The following NTRK3 variants were observed in gnomAD, a reference collection of about 807,000 sequenced individuals.
NTRK3 encodes neurotrophic receptor tyrosine kinase 3, also known as NT-3 growth factor receptor.
In NTRK3, 24 loss-of-function variants were observed where a neutral mutation model predicts 91.7. The observed-to-expected ratio is 0.26, with a 90% CI of 0.19 to 0.37. The LOEUF (loss-of-function observed/expected upper bound fraction) is 0.37. Ranked by LOEUF, NTRK3 falls within the 10% of genes least tolerant of loss-of-function variation. The pLI is 1.00. For missense variants in NTRK3, 880 were observed against 1,068.9 expected (o/e 0.82, Z 2.46); for synonymous variants, 483 against 404.0 (o/e 1.20, Z -2.34).
At chr15:88,221,204 T>A (rs929033253) in intron 3 of NTRK3, among the ~76,000 whole-genome samples, 1 of 152,184 alleles carries the variant, frequency 6.6e-6, no homozygotes, top group Non-Finnish European at 1.5e-5. Flanking sequence ...AAAAGTAAAG[T>A]CACTGGCAAT....
intron 13 of NTRK3, among the ~76,000 whole-genome samples, chr15:88,109,901 C>T (rs1426464711): frequency 6.6e-6 from 1 of 152,156 alleles, no homozygotes; most frequent in Non-Finnish European, 1.5e-5. Flanking sequence ...TGATTTCTCC[C>T]CTCAACACAT....
chr15:88,213,907 C>T (rs1233600740), intron 3 of NTRK3, among the ~76,000 whole-genome samples: 1 of 152,038 alleles, frequency 6.6e-6, no homozygotes, highest in Non-Finnish European at 1.5e-5. Context: ...TTGTGAAACC[C>T]CGTCTCTACT....
intron 14 of NTRK3, among the ~76,000 whole-genome samples, chr15:88,006,988 C>T (rs1399927215): frequency 2.0e-5 from 3 of 152,154 alleles, no homozygotes; most frequent in Admixed American, 1.3e-4. Flanking sequence ...ACAGGGAGCA[C>T]TTGTGCCCAC....
At chr15:88,191,712 T>C (rs2047411905) in intron 3 of NTRK3, among the ~76,000 whole-genome samples, 1 of 152,250 alleles carries the variant, frequency 6.6e-6, no homozygotes, top group African/African-American at 2.4e-5. Flanking sequence ...TTATGTCTAG[T>C]GATCCAGACA....
intron 14 of NTRK3, among the ~76,000 whole-genome samples, chr15:87,964,623 C>T (rs2072624788): frequency 6.6e-6 from 1 of 152,034 alleles, no homozygotes; most frequent in Non-Finnish European, 1.5e-5. Context: ...CAACAAGAAC[C>T]CTGGGTCCAT....
At chr15:87,997,349 A>G (rs772183186) in intron 14 of NTRK3, among the ~76,000 whole-genome samples, 5 of 152,302 alleles carry the variant, frequency 3.3e-5, no homozygotes, top group Admixed American at 1.3e-4. Context: ...TGAAGCATCA[A>G]TGAGACATTT....
At chr15:87,948,965 C>T (rs1425184235) in intron 14 of NTRK3, among the ~76,000 whole-genome samples, 2 of 152,184 alleles carry the variant, frequency 1.3e-5, no homozygotes, top group African/African-American at 2.4e-5. Context: ...AGGGTGCTGG[C>T]AGTTGCACAA....
rs780081114 is a variant in NTRK3 at position 88,137,572 on chromosome 15, AG to A, written c.465-12del. On this transcript the variant is annotated splice_polypyrimidine_tract_variant and intron_variant, in intron 6 of 18. Transcript: ENST00000394480. ...TTCTGCTCCAACTGCCTGTCGGCAA[AG>A]AGAGAGGGGAAGGGAACCTCTGAAC... The A allele has an allele frequency of 5.0e-6, 8 of 1,613,102 alleles. No individual in the cohort carries two copies. In the African/African-American group the frequency reaches 9.3e-5, roughly 19 times the overall value.
intron 15 of NTRK3, among the ~76,000 whole-genome samples, chr15:87,935,617 G>A (rs1285925402): frequency 6.6e-6 from 1 of 152,186 alleles, no homozygotes; most frequent in African/African-American, 2.4e-5. Flanking sequence ...GGTGGGATGG[G>A]AGAATACAAA....
At chr15:88,095,683 G>C (rs552309430) in intron 13 of NTRK3, among the ~76,000 whole-genome samples, 1 of 152,338 alleles carries the variant, frequency 6.6e-6, no homozygotes, top group East Asian at 1.9e-4. Context: ...AGGTTTAGAA[G>C]GTTTGAGGAG....
exon 19 of NTRK3, chr15:87,861,054 G>T: frequency 4.4e-6 from 1 of 226,208 alleles, no homozygotes; most frequent in Non-Finnish European, 8.8e-6. Flanking sequence ...CCTCAGAACA[G>T]GTGTGCCCAG....
At chr15:88,084,972 T>C (rs952975834) in intron 13 of NTRK3, among the ~76,000 whole-genome samples, 5 of 152,202 alleles carry the variant, frequency 3.3e-5, no homozygotes, top group African/African-American at 1.2e-4. Context: ...GGATAACCTA[T>C]ATATCAGGGA....
chr15:87,888,729 C>T (rs1166729335), intron 17 of NTRK3, among the ~76,000 whole-genome samples: 2 of 152,082 alleles, frequency 1.3e-5, no homozygotes, highest in Non-Finnish European at 2.9e-5. Context: ...ATACTTATGT[C>T]CCAGATATTG....
exon 14 of NTRK3, chr15:88,032,953 C>T (rs770581794): frequency 1.2e-4 from 193 of 1,613,068 alleles, no homozygotes; most frequent in Non-Finnish European, 1.2e-4. Context: ...GTGTCGGGCC[C>T]GGCATCCAGT....
At chr15:88,151,098 G>A (rs538283121) in intron 5 of NTRK3, among the ~76,000 whole-genome samples, 1 of 152,160 alleles carries the variant, frequency 6.6e-6, no homozygotes, top group East Asian at 1.9e-4. Flanking sequence ...TCTGACTTTT[G>A]CTTGGGTCAA....
chr15:88,057,115 G>A (rs1279683636), intron 13 of NTRK3, among the ~76,000 whole-genome samples: 3 of 149,084 alleles, frequency 2.0e-5, no homozygotes, highest in African/African-American at 7.5e-5. Flanking sequence ...CTTGCAGTGA[G>A]TCGAGATCGC....
At chr15:87,953,848 C>A (rs1406863884) in intron 14 of NTRK3, among the ~76,000 whole-genome samples, 2 of 152,184 alleles carry the variant, frequency 1.3e-5, no homozygotes, top group African/African-American at 4.8e-5. Context: ...CTGTGGCCTC[C>A]TTGGGAATAG....
chr15:88,243,423 C>A lies in NTRK3; in HGVS notation c.248+12483G>T, dbSNP rs1479403327. On this transcript the variant is annotated intron_variant, in intron 3 of 18. Transcript: ENST00000394480. The surrounding 1 kb of genome is among the most constrained non-coding windows in gnomAD (Gnocchi z 4.8). ...GAGAGCCAGGGTCACCCCAAACCAG[C>A]CTCAGAGCTACTCCTCTGCTGAGAG... is the stretch of plus-strand genomic sequence containing the variant. Among the ~76,000 whole-genome samples the A allele has an allele frequency of 6.6e-6, 1 of 152,050 alleles. No individual in the cohort carries two copies. The highest frequency in any genetic ancestry group is 2.4e-5 in the African/African-American group (1 of 41,376).
chr15:87,916,035 A>T (rs1173074132), intron 17 of NTRK3, among the ~76,000 whole-genome samples: 1 of 152,128 alleles, frequency 6.6e-6, no homozygotes, highest in Admixed American at 6.5e-5. Context: ...AACAACCGAG[A>T]GTAAAAACTG....
Sources: gnomAD v4.1 joint callset for allele counts (sites outside exome capture counted in the v4.1 genomes callset) on GRCh38, gnomAD v4.1.1 for gene constraint, Gnocchi (gnomAD v3.1) non-coding constraint, MANE v1.5 for transcripts, NCBI Gene and HGNC (gene_info 2026-07-23, HGNC 2026-07-21) for gene names.